MARK4: variants seen among roughly 807,000 people sequenced by gnomAD.
MARK4 encodes MAP/microtubule affinity-regulating kinase 4.
Under a neutral mutation model 81.5 loss-of-function variants are expected in MARK4, and 19 were observed. The observed-to-expected ratio is 0.23, with a 90% confidence interval of 0.16 to 0.34. The LOEUF (loss-of-function observed/expected upper bound fraction) is 0.34, where lower values mean the gene tolerates loss of function less well. MARK4 is among the 10% of genes least tolerant of loss of function. The pLI, the probability that MARK4 is intolerant of heterozygous loss-of-function variation, is 1.00. For missense variants in MARK4, 772 were observed against 1,058.8 expected, an observed-to-expected ratio of 0.73 and a Z score of 3.76; for synonymous variants, 436 against 439.0, an observed-to-expected ratio of 0.99 and a Z score of 0.08.
At chr19:45,266,148 G>T (rs1970450861) in intron 6 of MARK4, 77 bp from the exon 7 acceptor site, 3 of 1,447,080 alleles carry the variant, frequency 2.1e-6, no homozygotes, top group Admixed American at 1.7e-5. Context: ...GCCCAGCTGT[G>T]AGTGGTTTCA....
At chr19:45,281,899 ACATCT>A (rs531920064) in intron 12 of MARK4, among the ~76,000 whole-genome samples, 15 of 152,264 alleles carry the variant, frequency 9.9e-5, no homozygotes, top group Admixed American at 7.9e-4. Flanking sequence ...CAACTGACAG[ACATCT>A]CATCTGCTGC....
At chr19:45,294,244 A>G in intron 13 of MARK4, 105 bp from the exon 14 acceptor site, 1 of 1,043,002 alleles carries the variant, frequency 9.6e-7, no homozygotes, top group Non-Finnish European at 1.4e-6. Flanking sequence ...TTCCCACATG[A>G]GCCCCTGACT....
intron 12 of MARK4, 47 bp from the exon 13 acceptor site, chr19:45,287,400 T>C: frequency 1.5e-6 from 2 of 1,306,866 alleles, no homozygotes; most frequent in Non-Finnish European, 2.0e-6. Context: ...GAGTCAGTTC[T>C]GGGTTTCCGT....
chr19:45,299,891 C>T (rs762066186), intron 16 of MARK4, 36 bp downstream of exon 16: 3 of 1,575,132 alleles, frequency 1.9e-6, no homozygotes, highest in Non-Finnish European at 2.6e-6. Context: ...TGCCACTTCC[C>T]CTCTCCTGCC....
chr19:45,272,731 T>C (rs540379503), intron 8 of MARK4, among the ~76,000 whole-genome samples: 1 of 151,978 alleles, frequency 6.6e-6, no homozygotes, highest in South Asian at 2.1e-4. Flanking sequence ...TTACTAAAAA[T>C]ACAAAAATTA....
At chr19:45,294,245 G>A in intron 13 of MARK4, 104 bp from the exon 14 acceptor site, 1 of 1,055,224 alleles carries the variant, frequency 9.5e-7, no homozygotes, top group Non-Finnish European at 1.4e-6. Context: ...TCCCACATGA[G>A]CCCCTGACTT....
chr19:45,270,960 G>A (rs565189210), intron 7 of MARK4, among the ~76,000 whole-genome samples: 5 of 152,174 alleles, frequency 3.3e-5, no homozygotes, highest in Admixed American at 6.5e-5. Flanking sequence ...AGTAGAGACG[G>A]GGTTTCTCCA....
chr19:45,300,918 C>G (rs995175015), intron 16 of MARK4, among the ~76,000 whole-genome samples: 5 of 152,046 alleles, frequency 3.3e-5, no homozygotes, highest in African/African-American at 1.2e-4. Flanking sequence ...TCGTGCTCAC[C>G]CAAGCTGAGG....
chr19:45,287,513 A>T lies in MARK4; in HGVS notation c.1343A>T (p.Lys448Met). 1 of 1,552,846 alleles carries T rather than the reference A, an allele frequency of 6.4e-7. No individual in the cohort carries two copies. Among genetic ancestry groups the T allele is most frequent in the Non-Finnish European group, 8.7e-7 (1 of 1,146,648 alleles). The change falls in exon 13 of 17, where the codon AAG (lysine) becomes ATG (methionine). Residue 448 changes from lysine to methionine, a missense_variant. Around this residue, in one of 3 missense-constraint regions of MARK4, gnomAD observed 548 missense variants for 624.3 expected, o/e 0.88. Transcript: ENST00000262891. ...SPTSTGEAEL[K>M]EERLPGRKAS... is the part of the protein sequence containing the mutation. ...ACGAGCACGGGGGAGGCGGAGCTGA[A>T]GGAGGAGCGGCTGCCAGGCCGGAAG...
At chr19:45,261,658 G>T (rs1970382252) in intron 2 of MARK4, among the ~76,000 whole-genome samples, 1 of 152,188 alleles carries the variant, frequency 6.6e-6, no homozygotes, top group Admixed American at 6.6e-5. Context: ...TGCAGACTGG[G>T]TGCGGTGGCT....
intron 1 of MARK4, among the ~76,000 whole-genome samples, chr19:45,254,353 ACCTCCAGCTGGCTGC>A (rs1170320438): frequency 6.7e-6 from 1 of 149,696 alleles, no homozygotes; most frequent in Non-Finnish European, 1.5e-5. Flanking sequence ...GTGCCATCCC[ACCTCCAGCTGGCTGC>A]CCTGGCGCCA....
chr19:45,288,168 C>T (rs1281282473), intron 13 of MARK4: 3 of 163,730 alleles, frequency 1.8e-5, no homozygotes, highest in Non-Finnish European at 4.0e-5. Context: ...GTTGAGGCTA[C>T]AGGGAGCTGT....
At chr19:45,254,523 A>G (rs546327623) in intron 1 of MARK4, among the ~76,000 whole-genome samples, 1 of 152,334 alleles carries the variant, frequency 6.6e-6, no homozygotes, top group African/African-American at 2.4e-5. Context: ...AGGAATCAGC[A>G]GGCCGGGGTT....
chr19:45,285,412 A>G (rs1970729791), intron 12 of MARK4, among the ~76,000 whole-genome samples: 2 of 152,096 alleles, frequency 1.3e-5, no homozygotes, highest in African/African-American at 4.8e-5. Context: ...CATTGCACAA[A>G]GTGGCTGCTG....
intron 15 of MARK4, chr19:45,298,323 GTCT>G: frequency 2.2e-6 from 1 of 464,222 alleles, no homozygotes; most frequent in Non-Finnish European, 3.1e-6. Context: ...GGATGTGAGG[GTCT>G]GTGCGTGGGG....
At chr19:45,277,840 TG>T (rs1970620461) in intron 8 of MARK4, 82 bp from the exon 9 acceptor site, 1 of 1,187,188 alleles carries the variant, frequency 8.4e-7, no homozygotes, top group East Asian at 2.5e-5. Flanking sequence ...TGTGTGTGTG[TG>T]TGTGTGTGTG....
intron 1 of MARK4, among the ~76,000 whole-genome samples, chr19:45,255,805 T>C (rs1241943230): frequency 6.6e-6 from 1 of 152,182 alleles, no homozygotes; most frequent in Non-Finnish European, 1.5e-5. Context: ...CCTCCTGTTG[T>C]CCTCCTGCTT....
chr19:45,251,768 G>T (rs1434051067), intron 1 of MARK4, 129 bp downstream of exon 1: 4 of 818,092 alleles, frequency 4.9e-6, no homozygotes, highest in Non-Finnish European at 7.4e-6. Context: ...GTCACCTCTC[G>T]ACCCCTCCCG....
At chr19:45,275,840 G>A (rs901804760) in intron 8 of MARK4, among the ~76,000 whole-genome samples, 1 of 152,242 alleles carries the variant, frequency 6.6e-6, no homozygotes, top group Non-Finnish European at 1.5e-5. Flanking sequence ...CTGCTAAGGG[G>A]TAAGTGTCCT....
Sources: allele counts gnomAD v4.1 joint callset (sites outside exome capture counted in the v4.1 genomes callset), GRCh38; gene constraint gnomAD v4.1.1; regional missense constraint gnomAD v4.1.1; transcripts MANE v1.5; gene names NCBI Gene and HGNC (gene_info 2026-07-23, HGNC 2026-07-21).